Variants in RIMS3 observed in about 807,000 individuals in gnomAD.
RIMS3 encodes regulating synaptic membrane exocytosis protein 3.
Under a neutral mutation model 29.2 loss-of-function variants are expected in RIMS3, and 15 were observed. The ratio of observed to expected loss-of-function variants is 0.51; its 90% CI spans 0.34 to 0.79. The LOEUF (loss-of-function observed/expected upper bound fraction) is 0.79, where lower values mean the gene tolerates loss of function less well. Among genes scored for constraint, RIMS3 ranks in the 30% least tolerant of loss-of-function variants. The probability of loss-of-function intolerance (pLI) is 0.01; values close to 1 mark genes in which losing one functional copy is unlikely to be tolerated. For missense variants in RIMS3, 342 were observed against 421.4 expected, an observed-to-expected ratio of 0.81 and a Z score of 1.65; for synonymous variants, 161 against 170.1, an observed-to-expected ratio of 0.95 and a Z score of 0.41.
rs1206600024 is a variant in RIMS3, at chr1:40,621,930, C to T, written c.*4587G>A. ...CTGGAAGGGTTTCCCAAAGCAGAAA[C>T]ACTCATGCTTTTCAACAAGCACCTG... is the stretch of plus-strand genomic sequence containing the variant. On this transcript the variant is annotated 3_prime_UTR_variant, in exon 8 of 8. Coordinates refer to ENST00000372684, the MANE Select transcript of RIMS3 (RefSeq NM_014747.3). 1 of 152,610 alleles carries T rather than the reference C, an allele frequency of 6.6e-6. No individual in the cohort carries two copies. Among genetic ancestry groups the T allele is most frequent in the Non-Finnish European group, 1.5e-5 (1 of 68,076 alleles). The allele number at this position is 152,610 out of a possible 1,614,324, so 9.5% of individuals were successfully genotyped here.
intron 1 of RIMS3, among the ~76,000 whole-genome samples, chr1:40,662,538 A>T (rs948809293): frequency 2.0e-5 from 3 of 152,202 alleles, no homozygotes; most frequent in African/African-American, 7.2e-5. Flanking sequence ...GATACATCAG[A>T]GGTACCTGGT....
chr1:40,642,974 T>C (rs986590356), intron 2 of RIMS3, among the ~76,000 whole-genome samples: 17 of 151,556 alleles, frequency 1.1e-4, no homozygotes, highest in Admixed American at 1.1e-3. Context: ...AAAAAAATAT[T>C]ATATCATAAG....
chr1:40,686,504 A>T, the RIMS3 span, among the ~76,000 whole-genome samples: 1 of 152,012 alleles, frequency 6.6e-6, no homozygotes, highest in East Asian at 1.9e-4. Context: ...AAAATACAAA[A>T]AAATTAGCCG....
chr1:40,649,577 G>A (rs1042127952), intron 1 of RIMS3, among the ~76,000 whole-genome samples: 11 of 152,212 alleles, frequency 7.2e-5, no homozygotes, highest in Non-Finnish European at 1.2e-4. Context: ...GCTTGAACAC[G>A]TGCACAAGGT....
rs1646434515 is a variant in RIMS3 at position 40,623,456 on chromosome 1, A to G, written c.*3061T>C. 2.5e-6 allele frequency: 1 copy of G among 398,516 alleles called. No individual in the cohort carries two copies. Among genetic ancestry groups the G allele is most frequent in the African/African-American group, 2.1e-5 (1 of 48,624 alleles). The allele number at this position is 398,516 out of a possible 1,614,324, so 24.7% of individuals were successfully genotyped here. A position where few individuals can be genotyped will look rare whatever the true frequency, so the allele number is the denominator to read the frequency against. ...CATCACTGTCCCTGCCCACAACCCA[A>G]CATCACTGCAGGGCCACTCCTGTCT... On this transcript the variant is annotated 3_prime_UTR_variant, in exon 8 of 8. Coordinates refer to ENST00000372684, the MANE Select transcript of RIMS3 (RefSeq NM_014747.3).
the RIMS3 span, among the ~76,000 whole-genome samples, chr1:40,677,074 C>T: frequency 6.6e-6 from 1 of 151,510 alleles, no homozygotes; most frequent in African/African-American, 2.4e-5. Flanking sequence ...TCTCAGCTCA[C>T]TGCAACCTCT....
intron 2 of RIMS3, among the ~76,000 whole-genome samples, chr1:40,643,772 C>T (rs1294502952): frequency 6.6e-6 from 1 of 152,178 alleles, no homozygotes; most frequent in African/African-American, 2.4e-5. Flanking sequence ...AGCCACCACG[C>T]CCAGCCTAAG....
the RIMS3 span, among the ~76,000 whole-genome samples, chr1:40,674,504 T>A: frequency 1.3e-5 from 2 of 152,184 alleles, no homozygotes. Flanking sequence ...TATACTATGG[T>A]GTGAATGTGT....
chr1:40,664,814 G>T (rs1642401535), intron 1 of RIMS3, among the ~76,000 whole-genome samples: 2 of 152,074 alleles, frequency 1.3e-5, no homozygotes, highest in Admixed American at 6.6e-5. Flanking sequence ...GCCCATCAAG[G>T]GTCCTGCCAA....
chr1:40,682,582 G>A, the RIMS3 span, among the ~76,000 whole-genome samples: 1 of 151,918 alleles, frequency 6.6e-6, no homozygotes, highest in Non-Finnish European at 1.5e-5. Flanking sequence ...TCCCTGCCTG[G>A]AGTCCCCCTC....
chr1:40,683,105 CAG>C, the RIMS3 span, among the ~76,000 whole-genome samples: 1 of 152,040 alleles, frequency 6.6e-6, no homozygotes, highest in Admixed American at 6.6e-5. Flanking sequence ...CTCTCTAGCT[CAG>C]AGAGGTTAAG....
At chr1:40,688,518 G>A in the RIMS3 span, among the ~76,000 whole-genome samples, 4 of 152,120 alleles carry the variant, frequency 2.6e-5, no homozygotes, top group African/African-American at 7.2e-5. Context: ...ATATAAAGAG[G>A]AATCTAACTG....
At position 40,644,664 on chromosome 1, in the gene RIMS3, C is replaced by T. The variant is rs189750033; in HGVS notation, c.-31-2708G>A. On this transcript the variant is annotated intron_variant, in intron 2 of 7. Transcript: ENST00000372684. Reference sequence around the variant, plus strand: ...AGCTGGGATCTCCAGCTGTTGGCCTCCACAGTTTGGCTGCAAAGTCCCAAG... The same window carrying T: ...AGCTGGGATCTCCAGCTGTTGGCCTTCACAGTTTGGCTGCAAAGTCCCAAG... Among the ~76,000 whole-genome samples the T allele has an allele frequency of 9.9e-4, 151 of 152,326 alleles. 2 individuals are homozygous for T. In the East Asian group the frequency reaches 0.02, roughly 20 times the overall value.
chr1:40,672,805 A>G, the RIMS3 span, among the ~76,000 whole-genome samples: 1 of 151,410 alleles, frequency 6.6e-6, no homozygotes, highest in East Asian at 1.9e-4. Flanking sequence ...GTTCAAGGCT[A>G]CAGTAAACTG....
the RIMS3 span, among the ~76,000 whole-genome samples, chr1:40,686,651 C>T: frequency 2.6e-4 from 40 of 152,164 alleles, no homozygotes; most frequent in African/African-American, 7.5e-4. Context: ...AATGAGACTC[C>T]GTCTCAAAAA....
intron 1 of RIMS3, among the ~76,000 whole-genome samples, chr1:40,651,164 T>A (rs1471788495): frequency 6.6e-6 from 1 of 152,204 alleles, no homozygotes; most frequent in Non-Finnish European, 1.5e-5. Context: ...CCTCAGAATG[T>A]GACTTGGTTT....
At chr1:40,673,145 A>G in the RIMS3 span, among the ~76,000 whole-genome samples, 2 of 151,966 alleles carry the variant, frequency 1.3e-5, no homozygotes, top group Non-Finnish European at 1.5e-5. Context: ...GCACCACTGC[A>G]CTCCAGCCTG....
Position 40,636,001 on chromosome 1 carries a change from C to T in RIMS3, c.274G>A (p.Ala92Thr), listed in dbSNP as rs141122718. The change falls in exon 4 of 8, where the codon GCG becomes ACG. Residue 92 changes from alanine to threonine, a missense_variant. By Grantham distance (58) the Ala-to-Thr change is moderately conservative (BLOSUM62 0). Transcript: ENST00000372684. The surrounding 1 kb of genome is among the most constrained non-coding windows in gnomAD (Gnocchi z 4.2). ...GTGACCCGGCTCCGCATCTCCACCG[C>T]GATGCCTGTCTCCGTGCTCCGGCGG... The part of the protein sequence containing the change: ...NIRRSTETGI[A>T]VEMRSRVTRQ... 2.3e-5 allele frequency: 37 copies of T among 1,609,416 alleles called. No individual in the cohort carries two copies. Among genetic ancestry groups the T allele is most frequent in the African/African-American group, 4.0e-5 (3 of 74,924 alleles).
At chr1:40,674,641 G>A in the RIMS3 span, among the ~76,000 whole-genome samples, 2 of 152,246 alleles carry the variant, frequency 1.3e-5, no homozygotes, top group Non-Finnish European at 1.5e-5. Context: ...TATTGAGGGA[G>A]TGGGTTCCTG....
Sources: gnomAD v4.1 joint callset for allele counts (sites outside exome capture counted in the v4.1 genomes callset) on GRCh38, gnomAD v4.1.1 for gene constraint, Gnocchi (gnomAD v3.1) non-coding constraint, MANE v1.5 for transcripts, NCBI Gene and HGNC (gene_info 2026-07-23, HGNC 2026-07-21) for gene names.